ZRANB2: variants seen among roughly 807,000 people sequenced by gnomAD.
ZRANB2 encodes zinc finger Ran-binding domain-containing protein 2.
Under a neutral mutation model 53.4 loss-of-function variants are expected in ZRANB2, and 19 were observed. The ratio of observed to expected loss-of-function variants is 0.36; its 90% confidence interval spans 0.25 to 0.52. The LOEUF (loss-of-function observed/expected upper bound fraction) is 0.52. ZRANB2 is among the 20% of genes least tolerant of loss of function. The pLI is 0.93. For synonymous variants in ZRANB2, 145 were observed against 134.8 expected (o/e 1.08, Z -0.52); for missense variants, 309 against 401.1 (o/e 0.77, Z 1.96).
At chr1:71,072,021 A>G in intron 6 of ZRANB2, 100 bp downstream of exon 6, 1 of 1,483,568 alleles carries the variant, frequency 6.7e-7, no homozygotes, top group Non-Finnish European at 9.0e-7. Flanking sequence ...ATGAAAACAC[A>G]GAATATATTT....
chr1:71,075,629 A>G (rs1480235639), intron 4 of ZRANB2, among the ~76,000 whole-genome samples: 3 of 151,718 alleles, frequency 2.0e-5, no homozygotes, highest in Admixed American at 2.0e-4. Flanking sequence ...AGTGGCCAAA[A>G]GAAGAGAAAC....
rs1198472391 is a variant in ZRANB2, at chr1:71,064,380, A to C, written c.*694T>G. 1 of 152,372 alleles carries C rather than the reference A, an allele frequency of 6.6e-6. No homozygotes were observed. Among genetic ancestry groups the C allele is most frequent in the Non-Finnish European group, 1.5e-5 (1 of 67,928 alleles). 9.4% of individuals were successfully genotyped at this position (152,372 alleles called of 1,614,324 possible). A position where few individuals can be genotyped will look rare whatever the true frequency, so the allele number is the denominator to read the frequency against. ...GATGTCTTTATCAAGCAACCGTATC[A>C]GCAGAGAAAAGATAAACTCTTAAGA... On this transcript the variant is annotated 3_prime_UTR_variant, in exon 10 of 10. Transcript: ENST00000370920.
rs1288871852 is a variant in ZRANB2 at position 71,066,850 on chromosome 1, T to G, written c.855A>C (p.Arg285Ser). The G allele has an allele frequency of 2.5e-6, 4 of 1,612,596 alleles. No homozygotes were observed. Among genetic ancestry groups the G allele is most frequent in the Non-Finnish European group, 3.4e-6 (4 of 1,179,600 alleles). ...AAGAAGATCTAGAACGACTTCTCTT[T>G]CTGTTCCTCTCAGGAGAAGATGATG... ...SSSSSSPERN[R>S]KRSRSRSSSS... Residue 285 changes from arginine to serine, a missense_variant, in exon 9 of 10, where the codon AGA becomes AGC. By Grantham distance (110) the Arg-to-Ser change is moderately radical. Around this residue, in one of 3 missense-constraint regions of ZRANB2, gnomAD observed 211 missense variants for 196.1 expected, o/e 1.08. Coordinates refer to ENST00000370920, the MANE Select transcript of ZRANB2 (RefSeq NM_203350.3).
chr1:71,078,312 T>A, intron 3 of ZRANB2, 145 bp downstream of exon 3: 1 of 672,396 alleles, frequency 1.5e-6, no homozygotes, highest in South Asian at 2.0e-5. Context: ...ATACTATACT[T>A]AAAGATGAGA....
intron 1 of ZRANB2, 78 bp from the exon 2 acceptor site, chr1:71,078,786 C>G: frequency 8.2e-7 from 1 of 1,223,796 alleles, no homozygotes; most frequent in Non-Finnish European, 1.2e-6. Context: ...CACTACATAT[C>G]TGGAATTCAT....
intron 3 of ZRANB2, among the ~76,000 whole-genome samples, chr1:71,078,120 C>G (rs551117890): frequency 6.6e-6 from 1 of 152,186 alleles, no homozygotes; most frequent in Admixed American, 6.5e-5. Flanking sequence ...TTCACACTAA[C>G]TATACAGTCT....
intron 8 of ZRANB2, 21 bp downstream of exon 8, chr1:71,069,255 G>C: frequency 6.3e-7 from 1 of 1,590,114 alleles, no homozygotes; most frequent in South Asian, 1.1e-5. Flanking sequence ...CTGCTTTACA[G>C]AGAGATGCTA....
intron 4 of ZRANB2, among the ~76,000 whole-genome samples, chr1:71,074,840 T>C (rs1400370760): frequency 6.6e-6 from 1 of 152,118 alleles, no homozygotes; most frequent in Non-Finnish European, 1.5e-5. Context: ...CCCCAAACCC[T>C]GCACTGCTTT....
In ZRANB2 at chr1:71,066,868, A is replaced by C. The variant is rs749594425; in HGVS notation, c.837T>G (p.Ser279=). 2 of 1,611,862 alleles carry C rather than the reference A, an allele frequency of 1.2e-6. No homozygotes were observed. The highest frequency in any genetic ancestry group is 2.2e-5 in the South Asian group (2 of 90,064). Residue 279 remains serine (S), a synonymous_variant, in exon 9 of 10, where the codon TCT becomes TCG. Transcript: ENST00000370920. The stretch of plus-strand genomic sequence containing the variant: ...TTCTCTTTCTGTTCCTCTCAGGAGA[A>C]GATGATGAACTTGAATAAGATCTTT... The part of the protein sequence containing the change: ...PRKRSYSSSS[S]SPERNRKRSR...
intron 3 of ZRANB2, 152 bp downstream of exon 3, chr1:71,078,305 C>G: frequency 1.5e-6 from 1 of 648,302 alleles, no homozygotes; most frequent in East Asian, 2.8e-5. Context: ...CTTCTTTATA[C>G]TATACTTAAA....
intron 5 of ZRANB2, 47 bp from the exon 6 acceptor site, chr1:71,072,302 A>T (rs752316403): frequency 6.6e-7 from 1 of 1,524,194 alleles, no homozygotes; most frequent in South Asian, 1.2e-5. Context: ...TAATGCATTA[A>T]ACTTAATACA....
At chr1:71,077,528 T>G (rs1183641899) in intron 3 of ZRANB2, among the ~76,000 whole-genome samples, 1 of 152,134 alleles carries the variant, frequency 6.6e-6, no homozygotes, top group Non-Finnish European at 1.5e-5. Context: ...CAATACAAAT[T>G]TATAATCCTG....
intron 4 of ZRANB2, among the ~76,000 whole-genome samples, chr1:71,073,339 G>A (rs1005474007): frequency 8.5e-5 from 13 of 152,088 alleles, no homozygotes; most frequent in Admixed American, 8.5e-4. Flanking sequence ...AGAGGTATGT[G>A]TTGATCAAGA....
intron 8 of ZRANB2, among the ~76,000 whole-genome samples, chr1:71,068,707 G>A (rs1231345329): frequency 1.3e-5 from 2 of 151,878 alleles, no homozygotes; most frequent in African/African-American, 2.4e-5. Flanking sequence ...AACAGGACCT[G>A]TTTTGAGGCA....
At chr1:71,080,803 C>T in intron 1 of ZRANB2, 137 bp downstream of exon 1, 1 of 979,786 alleles carries the variant, frequency 1.0e-6, no homozygotes. Flanking sequence ...AGCCTTCTTC[C>T]CGCCAGGGAA....
intron 9 of ZRANB2, 153 bp downstream of exon 9, chr1:71,066,623 T>C: frequency 1.5e-6 from 1 of 658,842 alleles, no homozygotes; most frequent in Non-Finnish European, 2.4e-6. Context: ...GTACAAAGGA[T>C]AAGCAAAGTA....
chr1:71,070,992 T>C lies in ZRANB2; in HGVS notation c.518A>G (p.Glu173Gly). 1 of 1,556,994 alleles carries C rather than the reference T, an allele frequency of 6.4e-7. No individual in the cohort carries two copies. The highest frequency in any genetic ancestry group is 8.6e-7 in the Non-Finnish European group (1 of 1,156,070). Residue 173 changes from glutamate to glycine, a missense_variant, in exon 7 of 10, where the codon GAG becomes GGG. Coordinates refer to ENST00000370920, the MANE Select transcript of ZRANB2 (RefSeq NM_203350.3). Reference protein sequence around the residue: ...DLSKYKLDEDEDEDDADLSKY... With the variant: ...DLSKYKLDEDGDEDDADLSKY... ...TGAGAGATCAGCGTCATCTTCATCC[T>C]CATCCTAACAAAAATTCAATTATAA...
chr1:71,073,109 G>A (rs963391215), intron 4 of ZRANB2, among the ~76,000 whole-genome samples: 1 of 152,046 alleles, frequency 6.6e-6, no homozygotes, highest in Non-Finnish European at 1.5e-5. Context: ...AAGTCACACA[G>A]GTTCTCTGAA....
intron 7 of ZRANB2, among the ~76,000 whole-genome samples, chr1:71,070,059 G>A (rs1661561772): frequency 6.6e-6 from 1 of 151,676 alleles, no homozygotes; most frequent in Admixed American, 6.6e-5. Flanking sequence ...AAGCTTTCAG[G>A]CTTTGTAGTG....
Sources: allele counts gnomAD v4.1 joint callset (sites outside exome capture counted in the v4.1 genomes callset), GRCh38; gene constraint gnomAD v4.1.1; regional missense constraint gnomAD v4.1.1; transcripts MANE v1.5; gene names NCBI Gene and HGNC (gene_info 2026-07-23, HGNC 2026-07-21).